Variants in UBR3 observed in about 807,000 individuals in gnomAD.
The protein encoded by UBR3 is ubiquitin protein ligase E3 component n-recognin 3, also known as E3 ubiquitin-protein ligase UBR3.
In UBR3, 85 loss-of-function variants were observed where a neutral mutation model predicts 243.2. The observed-to-expected ratio is 0.35, with a 90% CI of 0.29 to 0.42. The LOEUF (loss-of-function observed/expected upper bound fraction) is 0.42. Among genes scored for constraint, UBR3 ranks in the 10% least tolerant of loss-of-function variants. The probability of loss-of-function intolerance (pLI) is 1.00; values close to 1 mark genes in which losing one functional copy is unlikely to be tolerated. For synonymous variants in UBR3, 748 were observed against 799.8 expected (o/e 0.94, Z 1.09); for missense variants, 1,686 against 2,300.8 (o/e 0.73, Z 5.47).
At chr2:169,828,919 T>G (rs746970488) in intron 1 of UBR3, among the ~76,000 whole-genome samples, 2 of 152,194 alleles carry the variant, frequency 1.3e-5, no homozygotes, top group Admixed American at 6.5e-5. Flanking sequence ...TTTCAGAGTT[T>G]GCAGTGAGTT....
chr2:169,854,567 A>C (rs944957135), intron 1 of UBR3, among the ~76,000 whole-genome samples: 1 of 152,132 alleles, frequency 6.6e-6, no homozygotes, highest in African/African-American at 2.4e-5. Context: ...TGTATTGATA[A>C]ATCTTAAGTT....
intron 33 of UBR3, among the ~76,000 whole-genome samples, chr2:170,058,224 C>T (rs1017237301): frequency 1.3e-5 from 2 of 152,032 alleles, no homozygotes; most frequent in African/African-American, 2.4e-5. Context: ...TTCACTTATT[C>T]GCTTCATCTC....
At chr2:170,005,973 A>G (rs1366856479) in intron 27 of UBR3, among the ~76,000 whole-genome samples, 1 of 152,082 alleles carries the variant, frequency 6.6e-6, no homozygotes, top group Non-Finnish European at 1.5e-5. Flanking sequence ...GAGATGTGAG[A>G]GATGTAGGAG....
intron 5 of UBR3, among the ~76,000 whole-genome samples, chr2:169,883,238 CAT>C (rs1282060297): frequency 1.3e-5 from 2 of 152,142 alleles, no homozygotes; most frequent in Admixed American, 6.5e-5. Context: ...ATGGCTCACT[CAT>C]AGGGCTGATA....
intron 30 of UBR3, chr2:170,016,980 A>T (rs900508355): frequency 1.4e-5 from 5 of 363,906 alleles, no homozygotes; most frequent in African/African-American, 1.1e-4. Context: ...TATTTATCCT[A>T]ATATTAATAA....
chr2:169,868,180 ATC>A (rs1386658295), intron 1 of UBR3, among the ~76,000 whole-genome samples: 1 of 152,174 alleles, frequency 6.6e-6, no homozygotes, highest in Non-Finnish European at 1.5e-5. Context: ...AACCTCATGT[ATC>A]TCTCAGTTTC....
Position 170,040,919 on chromosome 2 carries a change from C to G in UBR3, c.4594C>G (p.Leu1532Val). ...YEEQQPEVPI[L>V]YHDVTSLLLI... ...AGAACAACAGCCTGAGGTTCCAATTCTTTATCATGATGTAACATCCCTTTT... is the reference window on the plus strand; with the variant it reads ...AGAACAACAGCCTGAGGTTCCAATTGTTTATCATGATGTAACATCCCTTTT... Residue 1532 changes from leucine (L) to valine (V), a missense_variant, in exon 32 of 39, where the codon CTT becomes GTT. Around this residue, in one of 8 missense-constraint regions of UBR3, gnomAD observed 371 missense variants for 422.5 expected, o/e 0.88. Coordinates refer to ENST00000272793, the MANE Select transcript of UBR3 (RefSeq NM_172070.4). 1 of 1,613,514 alleles carries G rather than the reference C, an allele frequency of 6.2e-7. No homozygotes were observed. Among genetic ancestry groups the G allele is most frequent in the Non-Finnish European group, 8.5e-7 (1 of 1,179,728 alleles).
intron 1 of UBR3, among the ~76,000 whole-genome samples, chr2:169,846,202 T>A (rs1267063753): frequency 6.6e-6 from 1 of 152,196 alleles, no homozygotes; most frequent in Non-Finnish European, 1.5e-5. Context: ...TTCCTTGAAG[T>A]TGTCAATTTT....
At chr2:169,919,273 T>G (rs1175792350) in intron 11 of UBR3, among the ~76,000 whole-genome samples, 3 of 152,158 alleles carry the variant, frequency 2.0e-5, no homozygotes, top group Non-Finnish European at 2.9e-5. Context: ...GTGGAAGAAG[T>G]TCAAGGTTAA....
intron 6 of UBR3, among the ~76,000 whole-genome samples, chr2:169,891,611 G>GACAC (rs202022960): frequency 0.1 from 8,295 of 82,258 alleles, 275 homozygotes; most frequent in Non-Finnish European, 0.15. Context: ...GAGAGAGACA[G>GACAC]AGACACACAC....
At chr2:169,890,563 ATGTGTATATATATATATG>A (rs2084316522) in intron 5 of UBR3, among the ~76,000 whole-genome samples, 13 of 83,832 alleles carry the variant, frequency 1.6e-4, no homozygotes, top group Non-Finnish European at 2.1e-4. Context: ...ATATATATAT[ATGTGTATATATATATATG>A]TATATATATA....
At chr2:169,971,637 G>T (rs904908938) in intron 24 of UBR3, among the ~76,000 whole-genome samples, 1 of 152,094 alleles carries the variant, frequency 6.6e-6, no homozygotes, top group Non-Finnish European at 1.5e-5. Flanking sequence ...GATAGTTGTA[G>T]ATATGCAGCG....
intron 10 of UBR3, among the ~76,000 whole-genome samples, chr2:169,909,395 C>A (rs773946045): frequency 2.6e-5 from 4 of 151,972 alleles, no homozygotes; most frequent in Non-Finnish European, 5.9e-5. Flanking sequence ...AGTAAATAGA[C>A]CAATTAAGAG....
chr2:169,861,898 AG>A (rs1254262525), intron 1 of UBR3, among the ~76,000 whole-genome samples: 1 of 152,184 alleles, frequency 6.6e-6, no homozygotes, highest in African/African-American at 2.4e-5. Context: ...ATAAGATGTG[AG>A]GAAGTTCCTC....
intron 5 of UBR3, among the ~76,000 whole-genome samples, chr2:169,885,343 A>G (rs2105320079): frequency 6.6e-6 from 1 of 152,316 alleles, no homozygotes; most frequent in East Asian, 1.9e-4. Context: ...GCACTTTGGG[A>G]GGCCGAGGCG....
At chr2:170,018,015 C>A (rs1032737589) in intron 30 of UBR3, among the ~76,000 whole-genome samples, 1 of 152,180 alleles carries the variant, frequency 6.6e-6, no homozygotes, top group Admixed American at 6.5e-5. Flanking sequence ...AGAGCTTGCA[C>A]TTGAGCCCAG....
intron 24 of UBR3, among the ~76,000 whole-genome samples, chr2:169,972,780 T>C (rs1337661544): frequency 6.6e-6 from 1 of 151,578 alleles, no homozygotes; most frequent in Admixed American, 6.6e-5. Flanking sequence ...TAATAAGAAA[T>C]ATCTATGACA....
chr2:170,072,333 AAC>A (rs1012984106), intron 35 of UBR3, among the ~76,000 whole-genome samples: 1 of 151,942 alleles, frequency 6.6e-6, no homozygotes, highest in African/African-American at 2.4e-5. Flanking sequence ...CAAAAAACCA[AAC>A]ACCGCATATT....
At chr2:170,064,803 A>ATTTTTTTTTTTTTTTTTTTTTC (rs2091521981) in intron 35 of UBR3, among the ~76,000 whole-genome samples, 4 of 87,870 alleles carry the variant, frequency 4.6e-5, no homozygotes, top group Admixed American at 2.5e-4. Context: ...TGCTTTTTCT[A>ATTTTTTTTTTTTTTTTTTTTTC]TTTTTTTTTT....
Sources: allele counts gnomAD v4.1 joint callset (sites outside exome capture counted in the v4.1 genomes callset), GRCh38; gene constraint gnomAD v4.1.1; regional missense constraint gnomAD v4.1.1; transcripts MANE v1.5; gene names NCBI Gene and HGNC (gene_info 2026-07-23, HGNC 2026-07-21).